The following NACC2 variants were observed in gnomAD, a reference collection of about 807,000 sequenced individuals.
NACC2 encodes NACC family member 2, also known as nucleus accumbens-associated protein 2.
Under a neutral mutation model 25.1 loss-of-function variants are expected in NACC2, and 8 were observed. The observed-to-expected ratio is 0.32, with a 90% confidence interval of 0.19 to 0.57. NACC2 has a LOEUF of 0.57. Ranked by LOEUF, NACC2 falls within the 20% of genes least tolerant of loss-of-function variation. NACC2 has a pLI of 0.89. For synonymous variants in NACC2, 435 were observed against 294.7 expected (o/e 1.48, Z -4.88); for missense variants, 644 against 650.2 (o/e 0.99, Z 0.10).
chr9:136,035,866 C>T (rs573129654), intron 2 of NACC2, among the ~76,000 whole-genome samples: 3 of 152,196 alleles, frequency 2.0e-5, no homozygotes, highest in Non-Finnish European at 2.9e-5. Flanking sequence ...AGAAGTTCTC[C>T]GTACTTATCT....
chr9:136,093,989 G>A (rs575358857), intron 1 of NACC2, among the ~76,000 whole-genome samples: 22 of 152,380 alleles, frequency 1.4e-4, no homozygotes, highest in Middle Eastern at 3.4e-3. Flanking sequence ...TGAGAAGAAG[G>A]GGCGACCTGG....
chr9:136,012,278 C>T (rs1235774040), intron 5 of NACC2, among the ~76,000 whole-genome samples: 1 of 152,250 alleles, frequency 6.6e-6, no homozygotes, highest in African/African-American at 2.4e-5. Context: ...CTTGGCCGTC[C>T]GCCAGCTGTG....
At chr9:136,077,965 G>T (rs1830280823) in intron 1 of NACC2, among the ~76,000 whole-genome samples, 1 of 152,128 alleles carries the variant, frequency 6.6e-6, no homozygotes, top group African/African-American at 2.4e-5. Flanking sequence ...GTAGAGACGG[G>T]GTTTCACCAT....
intron 2 of NACC2, among the ~76,000 whole-genome samples, chr9:136,035,332 C>T (rs148273197): frequency 0.015 from 2,225 of 151,824 alleles, 58 homozygotes; most frequent in African/African-American, 0.05. Context: ...ACTCCTGTGA[C>T]GCACTGAGAA....
In NACC2 at chr9:136,094,596, G is replaced by A. The variant is rs1377479671; in HGVS notation, c.-60+593C>T. 3.9e-5 allele frequency among the ~76,000 whole-genome samples: 6 copies of A among 152,092 alleles called. 1 individual carries two copies. Among genetic ancestry groups the A allele is most frequent in the African/African-American group, 1.4e-4 (6 of 41,432 alleles). On this transcript the variant is annotated intron_variant, in intron 1 of 5. Transcript: ENST00000277554. ...GCAGAGCCCCCTCCCCCTGCGGCCG[G>A]ACCCCAGTTTCTCCCCAGGCTGGGG...
chr9:136,010,147 C>G lies in NACC2; in HGVS notation c.*1369G>C, dbSNP rs1490361939. 3.3e-5 allele frequency: 5 copies of G among 152,448 alleles called. No individual in the cohort carries two copies. Among genetic ancestry groups the G allele is most frequent in the African/African-American group, 4.8e-5 (2 of 41,398 alleles). The allele number at this position is 152,448 out of a possible 1,614,324, so 9.4% of individuals were successfully genotyped here. ...AGCACTCCAGCCTCAAACCAAACAG[C>G]CCCATCTTCCATGGGCCCTTCCTCC... On this transcript the variant is annotated 3_prime_UTR_variant, in exon 6 of 6. Coordinates refer to ENST00000277554, the MANE Select transcript of NACC2 (RefSeq NM_144653.5). This position sits in a 1 kb window ranked among gnomAD's most constrained non-coding sequence, Gnocchi z 4.9.
intron 2 of NACC2, among the ~76,000 whole-genome samples, chr9:136,032,691 G>A (rs969871153): frequency 6.6e-6 from 1 of 152,212 alleles, no homozygotes; most frequent in Non-Finnish European, 1.5e-5. Flanking sequence ...GAGATCAGGA[G>A]TTCGAGACCA....
At chr9:136,027,487 A>C (rs1840410419) in intron 2 of NACC2, among the ~76,000 whole-genome samples, 1 of 152,230 alleles carries the variant, frequency 6.6e-6, no homozygotes, top group African/African-American at 2.4e-5. Flanking sequence ...AAGTCTCAAC[A>C]AACTCCAGAG....
intron 1 of NACC2, among the ~76,000 whole-genome samples, chr9:136,078,304 G>C (rs1353631455): frequency 1.3e-5 from 2 of 152,308 alleles, no homozygotes; most frequent in South Asian, 2.1e-4. Context: ...ATTCCACGAA[G>C]CTCAGTCCCT....
chr9:136,041,004 A>C (rs1021905198), intron 2 of NACC2, among the ~76,000 whole-genome samples: 4 of 150,134 alleles, frequency 2.7e-5, no homozygotes, highest in African/African-American at 9.8e-5. Context: ...GAAGGAAAGA[A>C]AGGAAGGAAG....
At chr9:136,053,171 C>T (rs1379100170) in intron 1 of NACC2, among the ~76,000 whole-genome samples, 1 of 152,262 alleles carries the variant, frequency 6.6e-6, no homozygotes, top group African/African-American at 2.4e-5. Context: ...CGACACAGCC[C>T]TGCCCCTCAC....
chr9:136,075,955 T>C (rs1178165624), intron 1 of NACC2, among the ~76,000 whole-genome samples: 1 of 152,220 alleles, frequency 6.6e-6, no homozygotes, highest in Non-Finnish European at 1.5e-5. Flanking sequence ...CTGGGGCTGC[T>C]GCCCACTCCT....
At chr9:136,059,590 A>G (rs1273120217) in intron 1 of NACC2, among the ~76,000 whole-genome samples, 1 of 152,220 alleles carries the variant, frequency 6.6e-6, no homozygotes, top group Non-Finnish European at 1.5e-5. Flanking sequence ...TCCCTCCTCC[A>G]GCAACGCGTC....
At position 136,050,420 on chromosome 9, in the gene NACC2, G is replaced by T; in HGVS notation, c.102C>A (p.Ile34=). ...CCTTGAAGGCCTGGCCCTTGACCAC[G>T]ATGGACACATCGCAGTAGAGGCCCA... ...RLLGLYCDVS[I]VVKGQAFKAH... The change falls in exon 2 of 6, where the codon ATC becomes ATA. Residue 34 remains isoleucine (I), a synonymous_variant. Transcript: ENST00000277554. 2.6e-6 allele frequency: 2 copies of T among 765,880 alleles called. No individual in the cohort carries two copies. The highest frequency in any genetic ancestry group is 2.4e-5 in the East Asian group (1 of 41,044). The allele number at this position is 765,880 out of a possible 1,614,324, so 47.4% of individuals were successfully genotyped here.
chr9:136,060,802 C>CA (rs1840998786), intron 1 of NACC2, among the ~76,000 whole-genome samples: 1 of 152,250 alleles, frequency 6.6e-6, no homozygotes, highest in Admixed American at 6.5e-5. Context: ...CTCCAGGCTT[C>CA]AGCCCTCCCC....
At chr9:136,039,040 G>C (rs1393691240) in intron 2 of NACC2, among the ~76,000 whole-genome samples, 1 of 152,184 alleles carries the variant, frequency 6.6e-6, no homozygotes, top group Non-Finnish European at 1.5e-5. Flanking sequence ...CAGACTGTTA[G>C]ACTGCATAAA....
At chr9:136,017,189 C>T (rs115374734) in intron 2 of NACC2, among the ~76,000 whole-genome samples, 3,204 of 152,280 alleles carry the variant, frequency 0.021, 117 homozygotes, top group African/African-American at 0.069. Context: ...ACTGCTGGGG[C>T]AGATGACGGC....
chr9:136,023,054 G>A (rs1326683917), intron 2 of NACC2, among the ~76,000 whole-genome samples: 2 of 61,558 alleles, frequency 3.2e-5, no homozygotes, highest in Non-Finnish European at 6.5e-5. Context: ...GGGAAGGAGG[G>A]AGGAAGGAGG....
At chr9:136,016,607 C>T (rs1176876743) in intron 2 of NACC2, among the ~76,000 whole-genome samples, 178 bp from the exon 3 acceptor site, 3 of 152,190 alleles carry the variant, frequency 2.0e-5, no homozygotes, top group Non-Finnish European at 2.9e-5. Context: ...TGGCTTCAGC[C>T]TGCCCCATCC....
Sources: allele counts gnomAD v4.1 joint callset (sites outside exome capture counted in the v4.1 genomes callset), GRCh38; gene constraint gnomAD v4.1.1; non-coding constraint Gnocchi (gnomAD v3.1); transcripts MANE v1.5; gene names NCBI Gene and HGNC (gene_info 2026-07-23, HGNC 2026-07-21).